Variants in MMP26 observed in about 807,000 individuals in gnomAD.
The protein encoded by MMP26 is matrix metallopeptidase 26.
In MMP26, 33 loss-of-function variants were observed where a neutral mutation model predicts 31.0. The observed-to-expected ratio is 1.06, with a 90% CI of 0.81 to 1.42. The LOEUF is 1.42. Ranked by LOEUF, MMP26 falls within the 40% of genes most tolerant of loss-of-function variation. MMP26 has a pLI of 0.00. For missense variants in MMP26, 347 were observed against 316.1 expected, an observed-to-expected ratio of 1.10 and a Z score of -0.74; for synonymous variants, 122 against 114.9, an observed-to-expected ratio of 1.06 and a Z score of -0.40.
chr11:4,723,136 G>A, intron 1 of MMP26: 1 of 1,593,654 alleles, frequency 6.3e-7, no homozygotes, highest in Non-Finnish European at 8.6e-7. Context: ...ACAGCTTGGA[G>A]TTGGCATCCT....
At chr11:4,737,857 G>A (rs538316438) in intron 1 of MMP26, among the ~76,000 whole-genome samples, 52 of 152,274 alleles carry the variant, frequency 3.4e-4, no homozygotes, top group Admixed American at 9.2e-4. Flanking sequence ...AAATATACAT[G>A]TATGTGAATA....
chr11:4,832,334 C>G (rs1008094014), intron 2 of MMP26: 1 of 161,182 alleles, frequency 6.2e-6, no homozygotes. Context: ...CCTCTCCATG[C>G]TGGCCCTGTC....
chr11:4,955,972 T>C (rs1383021402), intron 2 of MMP26, among the ~76,000 whole-genome samples: 2 of 152,350 alleles, frequency 1.3e-5, no homozygotes, highest in East Asian at 3.9e-4. Context: ...ATGTTATTTC[T>C]ATAGAGAATC....
intron 2 of MMP26, among the ~76,000 whole-genome samples, chr11:4,861,203 C>T (rs1850151535): frequency 6.7e-6 from 1 of 149,638 alleles, no homozygotes; most frequent in African/African-American, 2.5e-5. Context: ...CATATAGATA[C>T]ATACAGTTTC....
chr11:4,777,689 T>C (rs935753714), intron 2 of MMP26, among the ~76,000 whole-genome samples: 1 of 152,164 alleles, frequency 6.6e-6, no homozygotes, highest in African/African-American at 2.4e-5. Flanking sequence ...TGCCTGTTTT[T>C]GGATGTTATC....
intron 2 of MMP26, among the ~76,000 whole-genome samples, chr11:4,874,284 T>G (rs575489010): frequency 6.6e-6 from 1 of 152,014 alleles, no homozygotes; most frequent in African/African-American, 2.4e-5. Context: ...GGCTACCATA[T>G]TGGACAGTAC....
chr11:4,843,479 TC>T (rs1849824617), intron 2 of MMP26, among the ~76,000 whole-genome samples: 1 of 152,206 alleles, frequency 6.6e-6, no homozygotes, highest in Admixed American at 6.5e-5. Flanking sequence ...ACCTGCACCC[TC>T]TGAAGGAATA....
chr11:4,782,043 G>C (rs1357855909), intron 2 of MMP26, among the ~76,000 whole-genome samples: 1 of 152,114 alleles, frequency 6.6e-6, no homozygotes, highest in Non-Finnish European at 1.5e-5. Context: ...GTCTTTATCA[G>C]CAGCATGACA....
chr11:4,734,618 C>T (rs1848212862), intron 1 of MMP26, among the ~76,000 whole-genome samples: 1 of 147,534 alleles, frequency 6.8e-6, no homozygotes, highest in African/African-American at 2.6e-5. Context: ...TTTCTAATTC[C>T]CTTTGGGATT....
chr11:4,903,502 A>G (rs35808145), intron 2 of MMP26, among the ~76,000 whole-genome samples: 12,849 of 152,160 alleles, frequency 0.084, 672 homozygotes, highest in Non-Finnish European at 0.12. Context: ...TATTTTAACT[A>G]TATTTTCCAA....
At chr11:4,776,963 T>A (rs1477584557) in intron 2 of MMP26, among the ~76,000 whole-genome samples, 1 of 152,146 alleles carries the variant, frequency 6.6e-6, no homozygotes, top group Non-Finnish European at 1.5e-5. Flanking sequence ...TTAAAAAATA[T>A]GTATACTATG....
At chr11:4,973,319 A>G (rs1398335022) in intron 2 of MMP26, 1 of 153,488 alleles carries the variant, frequency 6.5e-6, no homozygotes. Context: ...AGTGCAGGCC[A>G]GTTTCATGAC....
intron 2 of MMP26, among the ~76,000 whole-genome samples, chr11:4,901,149 CTTTTTTTTTTTTTTTTT>C (rs55678976): frequency 1.2e-5 from 1 of 84,518 alleles, no homozygotes; most frequent in African/African-American, 4.8e-5. Flanking sequence ...CCTCTTTGTG[CTTTTTTTTTTTTTTTTT>C]TTTTTTTTTT....
intron 1 of MMP26, among the ~76,000 whole-genome samples, chr11:4,758,877 C>T (rs978194194): frequency 2.0e-5 from 3 of 151,772 alleles, no homozygotes; most frequent in East Asian, 1.9e-4. Flanking sequence ...TTTGGGAAGA[C>T]GAGGCGGGCA....
chr11:4,841,346 C>A (rs998133762), intron 2 of MMP26, among the ~76,000 whole-genome samples: 2 of 151,918 alleles, frequency 1.3e-5, no homozygotes, highest in African/African-American at 2.4e-5. Context: ...CAATTTAACC[C>A]CCAAAATAAC....
At chr11:4,868,230 C>A (rs1022393489) in intron 2 of MMP26, among the ~76,000 whole-genome samples, 3 of 151,972 alleles carry the variant, frequency 2.0e-5, no homozygotes, top group Non-Finnish European at 2.9e-5. Context: ...ACAACACACA[C>A]TCAGGTGTGC....
intron 2 of MMP26, chr11:4,915,646 C>T (rs749701985): frequency 3.0e-5 from 48 of 1,611,804 alleles, no homozygotes; most frequent in Non-Finnish European, 3.9e-5. Flanking sequence ...TGCTGTTTCC[C>T]AGGGATCCCA....
intron 2 of MMP26, among the ~76,000 whole-genome samples, chr11:4,857,866 G>A (rs1201048330): frequency 6.6e-6 from 1 of 152,114 alleles, no homozygotes; most frequent in East Asian, 1.9e-4. Context: ...ACATCAAAAA[G>A]CTTATCCGCC....
At chr11:4,853,403 A>C (rs1358417277) in intron 2 of MMP26, among the ~76,000 whole-genome samples, 1 of 152,218 alleles carries the variant, frequency 6.6e-6, no homozygotes, top group Non-Finnish European at 1.5e-5. Context: ...ATAATGGAAT[A>C]AAATTAAAAA....
Sources: allele counts gnomAD v4.1 joint callset (sites outside exome capture counted in the v4.1 genomes callset), GRCh38; gene constraint gnomAD v4.1.1; transcripts MANE v1.5; gene names NCBI Gene and HGNC (gene_info 2026-07-23, HGNC 2026-07-21).